The following THBS4 variants were observed in gnomAD, a reference collection of about 807,000 sequenced individuals.
THBS4 encodes the protein thrombospondin-4.
A neutral mutation model predicts 115.7 loss-of-function variants in THBS4; 90 were observed. The ratio of observed to expected loss-of-function variants is 0.78; its 90% CI spans 0.66 to 0.93. The LOEUF is 0.93. THBS4 is among the 40% of genes least tolerant of loss of function. THBS4 has a pLI of 0.00. For synonymous variants in THBS4, 460 were observed against 479.3 expected, an observed-to-expected ratio of 0.96 and a Z score of 0.53; for missense variants, 1,087 against 1,232.7, an observed-to-expected ratio of 0.88 and a Z score of 1.77.
intron 2 of THBS4, among the ~76,000 whole-genome samples, chr5:80,045,910 A>G (rs1402154820): frequency 6.6e-6 from 1 of 152,226 alleles, no homozygotes; most frequent in Non-Finnish European, 1.5e-5. Context: ...CAATATTCCT[A>G]TGACATGCCC....
intron 2 of THBS4, among the ~76,000 whole-genome samples, chr5:80,025,077 CATT>C (rs746601867): frequency 3.9e-5 from 6 of 152,240 alleles, no homozygotes; most frequent in South Asian, 4.1e-4. Context: ...TGTCCCACCT[CATT>C]GTTGTAAAGA....
At chr5:80,046,810 C>T (rs1252689066) in intron 2 of THBS4, among the ~76,000 whole-genome samples, 1 of 152,110 alleles carries the variant, frequency 6.6e-6, no homozygotes, top group Non-Finnish European at 1.5e-5. Context: ...AGGGCTCTGT[C>T]TTGGGTATTG....
chr5:80,082,859 A>G (rs1013307834), intron 21 of THBS4, among the ~76,000 whole-genome samples: 4 of 152,262 alleles, frequency 2.6e-5, no homozygotes, highest in Non-Finnish European at 5.9e-5. Flanking sequence ...TGCAAAATCC[A>G]TTCTGCCTGC....
intron 2 of THBS4, among the ~76,000 whole-genome samples, chr5:80,028,424 T>C (rs543375309): frequency 6.6e-6 from 1 of 152,192 alleles, no homozygotes; most frequent in South Asian, 2.1e-4. Flanking sequence ...TAGTCGATAC[T>C]ATACACTATA....
chr5:80,046,749 C>T (rs1174357275), intron 2 of THBS4, among the ~76,000 whole-genome samples: 3 of 152,076 alleles, frequency 2.0e-5, no homozygotes, highest in Middle Eastern at 3.2e-3. Flanking sequence ...GTAATAGTAC[C>T]GCTAGGGGTT....
chr5:80,004,769 G>A (rs1317201494), intron 2 of THBS4, among the ~76,000 whole-genome samples: 2 of 151,648 alleles, frequency 1.3e-5, no homozygotes, highest in Non-Finnish European at 2.9e-5. Context: ...ACAGAGTCAC[G>A]CTCTGTCACC....
At chr5:80,020,412 T>C (rs1262254297) in intron 2 of THBS4, among the ~76,000 whole-genome samples, 1 of 152,162 alleles carries the variant, frequency 6.6e-6, no homozygotes, top group African/African-American at 2.4e-5. Flanking sequence ...AGGCGAAGGT[T>C]GCAGTGAGCC....
chr5:80,028,423 C>T (rs1298936666), intron 2 of THBS4, among the ~76,000 whole-genome samples: 1 of 151,972 alleles, frequency 6.6e-6, no homozygotes, highest in Non-Finnish European at 1.5e-5. Flanking sequence ...ATAGTCGATA[C>T]TATACACTAT....
At chr5:80,004,398 C>T (rs1015582543) in intron 2 of THBS4, among the ~76,000 whole-genome samples, 1 of 152,184 alleles carries the variant, frequency 6.6e-6, no homozygotes, top group African/African-American at 2.4e-5. Flanking sequence ...CCTGGAACAT[C>T]TCTCTGTGTT....
chr5:80,078,030 C>A lies in THBS4; in HGVS notation c.2087-19C>A. 1 of 1,552,122 alleles carries A rather than the reference C, an allele frequency of 6.4e-7. No homozygotes were observed. Among genetic ancestry groups the A allele is most frequent in the South Asian group, 1.2e-5 (1 of 82,782 alleles). Reference sequence around the variant, plus strand: ...GTGTGAGCGCTATTGAGCTCCTGTCCTTTCTCCACCCCACTCAGGCGACGG... The same window carrying A: ...GTGTGAGCGCTATTGAGCTCCTGTCATTTCTCCACCCCACTCAGGCGACGG... On this transcript the variant is annotated intron_variant, in intron 16 of 21. Transcript: ENST00000350881.
chr5:80,080,279 G>A, intron 20 of THBS4: 1 of 602,026 alleles, frequency 1.7e-6, no homozygotes, highest in Non-Finnish European at 2.9e-6. Flanking sequence ...GGACAGGACA[G>A]TAGGACCAAG....
At chr5:79,997,137 A>G (rs1831810824) in intron 1 of THBS4, among the ~76,000 whole-genome samples, 1 of 152,070 alleles carries the variant, frequency 6.6e-6, no homozygotes, top group African/African-American at 2.4e-5. Flanking sequence ...AGAAGTTGAG[A>G]ATAAACAGAA....
chr5:80,056,544 T>C (rs1833438357), intron 3 of THBS4, among the ~76,000 whole-genome samples: 1 of 152,226 alleles, frequency 6.6e-6, no homozygotes, highest in African/African-American at 2.4e-5. Flanking sequence ...GGTCTTAAGA[T>C]ACCATCACCT....
chr5:80,005,372 G>T (rs1166504662), intron 2 of THBS4, among the ~76,000 whole-genome samples: 1 of 152,158 alleles, frequency 6.6e-6, no homozygotes, highest in Admixed American at 6.5e-5. Context: ...ATAGTTAAAG[G>T]TTAATTTAAT....
At chr5:80,021,774 C>T (rs1480232046) in intron 2 of THBS4, among the ~76,000 whole-genome samples, 1 of 152,128 alleles carries the variant, frequency 6.6e-6, no homozygotes, top group African/African-American at 2.4e-5. Context: ...CCTTCGGCCT[C>T]CTAAAGTACA....
At chr5:80,082,670 G>GAT in intron 21 of THBS4, 125 bp downstream of exon 21, 2 of 1,161,720 alleles carry the variant, frequency 1.7e-6, no homozygotes, top group East Asian at 4.8e-5. Context: ...ATTAAAACCT[G>GAT]ATAGTCCCTG....
At chr5:80,030,278 C>T (rs938768524) in intron 2 of THBS4, among the ~76,000 whole-genome samples, 3 of 152,076 alleles carry the variant, frequency 2.0e-5, no homozygotes, top group Admixed American at 6.5e-5. Flanking sequence ...GCTTTCACTG[C>T]AGTCTCAACC....
intron 2 of THBS4, among the ~76,000 whole-genome samples, chr5:80,025,202 A>C (rs1245306109): frequency 6.6e-6 from 1 of 152,212 alleles, no homozygotes; most frequent in Non-Finnish European, 1.5e-5. Flanking sequence ...ACTCTTCCAC[A>C]GAAAAAGAAA....
At position 80,073,336 on chromosome 5, in the gene THBS4, T is replaced by TGTC; in HGVS notation, c.1892+10_1892+12dup. The TGTC allele has an allele frequency of 2.5e-6, 4 of 1,613,684 alleles. No individual in the cohort carries two copies. The highest frequency in any genetic ancestry group is 2.5e-6 in the Non-Finnish European group (3 of 1,179,844). On this transcript the variant is annotated intron_variant, in intron 15 of 21. Transcript: ENST00000350881. ...GACACCAATCAGGACAGGTATGGCA[T>TGTC]GTCTCCCAACTGCAGAGAGACAGAT...
Sources: allele counts gnomAD v4.1 joint callset (sites outside exome capture counted in the v4.1 genomes callset), GRCh38; gene constraint gnomAD v4.1.1; transcripts MANE v1.5; gene names NCBI Gene and HGNC (gene_info 2026-07-23, HGNC 2026-07-21).